Variants in TAF4 observed in about 807,000 individuals in gnomAD.
TAF4 encodes transcription initiation factor TFIID subunit 4.
TAF4 carries 9 observed loss-of-function variants against 90.3 expected under a neutral mutation model. The observed-to-expected ratio is 0.10, with a 90% CI of 0.06 to 0.17. The LOEUF (loss-of-function observed/expected upper bound fraction) is 0.17, where lower values mean the gene tolerates loss of function less well. Ranked by LOEUF, TAF4 falls within the 10% of genes least tolerant of loss-of-function variation. The probability of loss-of-function intolerance (pLI) is 1.00; values close to 1 mark genes in which losing one functional copy is unlikely to be tolerated. For missense variants in TAF4, 1,351 were observed against 1,370.7 expected (o/e 0.99, Z 0.23); for synonymous variants, 818 against 638.9 (o/e 1.28, Z -4.23).
chr20:62,033,206 C>T (rs2055914110), intron 1 of TAF4, among the ~76,000 whole-genome samples: 1 of 152,158 alleles, frequency 6.6e-6, no homozygotes, highest in Non-Finnish European at 1.5e-5. Flanking sequence ...CCTCAGCCCC[C>T]AGCGGATGGC....
At chr20:61,985,946 C>CACCATCCCCGACCAAAGGAAA (rs1568922322) in intron 14 of TAF4, among the ~76,000 whole-genome samples, 23 of 111,052 alleles carry the variant, frequency 2.1e-4, no homozygotes, top group East Asian at 4.6e-4. Flanking sequence ...ACCAAAGGAA[C>CACCATCCCCGACCAAAGGAAA]CACCATCCCC....
intron 1 of TAF4, among the ~76,000 whole-genome samples, chr20:62,026,946 C>T (rs1600850393): frequency 1.3e-5 from 2 of 152,212 alleles, no homozygotes; most frequent in South Asian, 4.1e-4. Flanking sequence ...AACACCAACC[C>T]GTGGAGACTT....
chr20:62,013,608 A>T (rs1383114010), intron 2 of TAF4, among the ~76,000 whole-genome samples: 2 of 152,234 alleles, frequency 1.3e-5, no homozygotes, highest in African/African-American at 4.8e-5. Context: ...TATGGGACAG[A>T]GGCACAACTC....
intron 2 of TAF4, 115 bp downstream of exon 2, chr20:62,014,432 C>A (rs536363467): frequency 1.5e-6 from 2 of 1,342,238 alleles, no homozygotes; most frequent in South Asian, 3.4e-5. Flanking sequence ...GCCGCCCACA[C>A]TTCCCAGTCC....
At chr20:62,001,374 C>G (rs886444946) in intron 9 of TAF4, among the ~76,000 whole-genome samples, 2 of 152,240 alleles carry the variant, frequency 1.3e-5, no homozygotes, top group Non-Finnish European at 2.9e-5. Flanking sequence ...CTCAGCCTCT[C>G]CTGACTCCTG....
intron 1 of TAF4, among the ~76,000 whole-genome samples, chr20:62,061,285 TC>T (rs2056087402): frequency 6.6e-6 from 1 of 152,062 alleles, no homozygotes. Context: ...TTTCCCCCTT[TC>T]CCCACAGATG....
chr20:62,009,961 C>G, intron 4 of TAF4, 85 bp downstream of exon 4: 1 of 1,587,750 alleles, frequency 6.3e-7, no homozygotes, highest in South Asian at 1.1e-5. Flanking sequence ...GGGACAGAAG[C>G]CGGCCTGAGG....
chr20:62,012,131 G>A (rs2055782622), intron 3 of TAF4: 1 of 152,352 alleles, frequency 6.6e-6, no homozygotes, highest in African/African-American at 2.4e-5. Context: ...CCTCTCTGCA[G>A]ATGAAAACGC....
At chr20:62,027,544 C>T (rs1285631983) in intron 1 of TAF4, among the ~76,000 whole-genome samples, 2 of 152,078 alleles carry the variant, frequency 1.3e-5, no homozygotes, top group Non-Finnish European at 2.9e-5. Context: ...CTGTGCCTAC[C>T]CCAGGCCCAT....
chr20:62,044,577 G>A (rs975002076), intron 1 of TAF4, among the ~76,000 whole-genome samples: 18 of 152,234 alleles, frequency 1.2e-4, no homozygotes, highest in African/African-American at 3.9e-4. Context: ...GACAAAGAGT[G>A]CAAAGAAACC....
intron 1 of TAF4, among the ~76,000 whole-genome samples, chr20:62,032,740 C>T (rs1260648441): frequency 6.6e-6 from 1 of 152,254 alleles, no homozygotes; most frequent in East Asian, 1.9e-4. Context: ...CAGACAACCT[C>T]ACTTATCAGA....
In TAF4 at chr20:62,064,524, G is replaced by A. The variant is rs1303513811; in HGVS notation, c.1287C>T (p.Pro429=). The A allele has an allele frequency of 3.9e-6, 6 of 1,529,244 alleles. No homozygotes were observed. The Admixed American group carries it at 1.2e-4, about 31-fold the overall frequency. 94.7% of individuals were successfully genotyped at this position (1,529,244 alleles called of 1,614,324 possible). The change falls in exon 1 of 15, where the codon CCC becomes CCT. Residue 429 remains proline (P), a synonymous_variant. Transcript: ENST00000252996. ...TTSGIRATLT[P]TVLAPRLPQP... is the part of the protein sequence containing the mutation. ...GCGGCAAGCGGGGGGCCAGCACGGT[G>A]GGCGTCAGGGTGGCCCGAATCCCGC... is the stretch of plus-strand genomic sequence containing the variant.
intron 1 of TAF4, chr20:62,037,775 C>G (rs1157246796): frequency 4.7e-6 from 1 of 214,480 alleles, no homozygotes; most frequent in East Asian, 1.1e-4. Context: ...CCTGCCAAGT[C>G]GGAATGGCAT....
In TAF4 at chr20:62,064,540, C is replaced by A. The variant is rs866796776; in HGVS notation, c.1271G>T (p.Arg424Leu). The stretch of plus-strand genomic sequence containing the variant: ...CAGCACGGTGGGCGTCAGGGTGGCC[C>A]GAATCCCGCTGGTGGTGGCCGTGGG... ...RTPTATTSGI[R>L]ATLTPTVLAP... Residue 424 changes from arginine (R) to leucine (L), a missense_variant, in exon 1 of 15, where the codon CGG becomes CTG. Physicochemically the swap from Arg to Leu is moderately radical, Grantham distance 102. Around this residue, in one of 9 missense-constraint regions of TAF4, gnomAD observed 782 missense variants for 536.6 expected, o/e 1.46. Coordinates refer to ENST00000252996, the MANE Select transcript of TAF4 (RefSeq NM_003185.4). The A allele has an allele frequency of 1.3e-6, 2 of 1,525,996 alleles. No individual in the cohort carries two copies. Among genetic ancestry groups the A allele is most frequent in the South Asian group, 1.2e-5 (1 of 81,688 alleles). The allele number at this position is 1,525,996 out of a possible 1,614,324, so 94.5% of individuals were successfully genotyped here. A position where few individuals can be genotyped will look rare whatever the true frequency, so the allele number is the denominator to read the frequency against.
At chr20:62,013,579 G>A (rs555396616) in intron 2 of TAF4, among the ~76,000 whole-genome samples, 16 of 152,236 alleles carry the variant, frequency 1.1e-4, no homozygotes, top group African/African-American at 2.4e-4. Flanking sequence ...CCTCCGGCAC[G>A]TCCGTCCACG....
intron 1 of TAF4, among the ~76,000 whole-genome samples, chr20:62,061,922 G>A (rs2056090935): frequency 6.6e-6 from 1 of 152,248 alleles, no homozygotes; most frequent in South Asian, 2.1e-4. Flanking sequence ...GCACTATGGG[G>A]CTGAAACACT....
rs2055993784 is a variant in TAF4 at position 62,046,444 on chromosome 20, T to A, written c.1360+18007A>T. ...TTCTAGAATTTCATACAAATGAAATTGTGCGATAGGCGGTCTTTCCCTCCC... is the reference window on the plus strand; with the variant it reads ...TTCTAGAATTTCATACAAATGAAATAGTGCGATAGGCGGTCTTTCCCTCCC... On this transcript the variant is annotated intron_variant, in intron 1 of 14. Coordinates refer to ENST00000252996, the MANE Select transcript of TAF4 (RefSeq NM_003185.4). Among the ~76,000 whole-genome samples, 3 of 152,240 alleles carry A rather than the reference T, an allele frequency of 2.0e-5. No homozygotes were observed. In the South Asian group the frequency reaches 6.2e-4, roughly 31 times the overall value.
intron 1 of TAF4, among the ~76,000 whole-genome samples, chr20:62,015,796 T>A (rs28382039): frequency 6.6e-6 from 1 of 152,208 alleles, no homozygotes; most frequent in African/African-American, 2.4e-5. Context: ...GCTATGACGC[T>A]GGGGCACTCT....
intron 14 of TAF4, among the ~76,000 whole-genome samples, chr20:61,976,660 G>A (rs934692656): frequency 1.7e-4 from 26 of 152,354 alleles, no homozygotes; most frequent in African/African-American, 6.3e-4. Flanking sequence ...GCGGCCCCAG[G>A]GCCACCCTCC....
Sources: gnomAD v4.1 joint callset for allele counts (sites outside exome capture counted in the v4.1 genomes callset) on GRCh38, gnomAD v4.1.1 for gene constraint, gnomAD v4.1.1 regional missense constraint, MANE v1.5 for transcripts, NCBI Gene and HGNC (gene_info 2026-07-23, HGNC 2026-07-21) for gene names.